The following UBP1 variants were observed in gnomAD, a reference collection of about 807,000 sequenced individuals.
UBP1 encodes upstream-binding protein 1.
Under a neutral mutation model 76.1 loss-of-function variants are expected in UBP1, and 22 were observed. The ratio of observed to expected loss-of-function variants is 0.29; its 90% CI spans 0.21 to 0.41. The LOEUF (loss-of-function observed/expected upper bound fraction) is 0.41, where lower values mean the gene tolerates loss of function less well. Ranked by LOEUF, UBP1 falls within the 10% of genes least tolerant of loss-of-function variation. UBP1 has a pLI of 1.00. For missense variants in UBP1, 436 were observed against 668.1 expected (o/e 0.65, Z 3.83); for synonymous variants, 224 against 237.1 (o/e 0.94, Z 0.51).
intron 11 of UBP1, chr3:33,397,345 G>A: frequency 2.5e-6 from 1 of 401,808 alleles, no homozygotes; most frequent in Non-Finnish European, 4.4e-6. Context: ...TATCAAGAAG[G>A]AGCTTAGAAG....
chr3:33,422,275 T>G (rs1051253411), intron 2 of UBP1, among the ~76,000 whole-genome samples: 3 of 151,856 alleles, frequency 2.0e-5, no homozygotes, highest in African/African-American at 7.3e-5. Flanking sequence ...AATATACCTT[T>G]AAGGACTACA....
chr3:33,390,142 A>G lies in UBP1; in HGVS notation c.*189T>C, dbSNP rs547141342. ...TGCCGATGTGCTCACTCTCATGAGG[A>G]TGCTTGGCTATGGCAGTGACAGTGA... On this transcript the variant is annotated 3_prime_UTR_variant, in exon 16 of 16. Transcript: ENST00000283629. 2 of 610,950 alleles carry G rather than the reference A, an allele frequency of 3.3e-6. No individual in the cohort carries two copies. 37.8% of individuals were successfully genotyped at this position (610,950 alleles called of 1,614,324 possible).
upstream of UBP1, chr3:33,440,847 T>C (rs1315945155): frequency 1.3e-5 from 2 of 152,228 alleles, no homozygotes; most frequent in Non-Finnish European, 2.9e-5. Flanking sequence ...CGGAGGTGAT[T>C]TGCTCCTCTG....
At chr3:33,431,447 T>C (rs1462255376) in intron 1 of UBP1, among the ~76,000 whole-genome samples, 1 of 152,014 alleles carries the variant, frequency 6.6e-6, no homozygotes, top group Non-Finnish European at 1.5e-5. Context: ...GTACAGCATA[T>C]GAAAGTTCCG....
At position 33,440,038 on chromosome 3, in the gene UBP1, A is replaced by G. The variant is rs1575496747; in HGVS notation, c.-190T>C. 1 of 519,996 alleles carries G rather than the reference A, an allele frequency of 1.9e-6. No individual in the cohort carries two copies. The highest frequency in any genetic ancestry group is 3.2e-6 in the Non-Finnish European group (1 of 309,882). 32.2% of individuals were successfully genotyped at this position (519,996 alleles called of 1,614,324 possible). A position where few individuals can be genotyped will look rare whatever the true frequency, so the allele number is the denominator to read the frequency against. ...CAGGGCACGACGAGCCCAGCGAGCAATTGCAGCGGGAGCGGCCGGGCCGCC... is the reference window on the plus strand; with the variant it reads ...CAGGGCACGACGAGCCCAGCGAGCAGTTGCAGCGGGAGCGGCCGGGCCGCC... On this transcript the variant is annotated 5_prime_UTR_variant, in exon 1 of 16. Transcript: ENST00000283629.
rs190597845 is a variant in UBP1, at chr3:33,402,782, G to A, written c.1031+19C>T. 2,958 of 1,507,520 alleles carry A rather than the reference G, an allele frequency of 2.0e-3. 13 individuals are homozygous for A. Among genetic ancestry groups the A allele is most frequent in the Non-Finnish European group, 1.7e-3 (1,872 of 1,126,028 alleles). The allele number at this position is 1,507,520 out of a possible 1,614,324, so 93.4% of individuals were successfully genotyped here. ...GAGCATTAGTTAGCTGCAGGCACAC[G>A]ATCACACAAACTAGATACCTGTCTG... On this transcript the variant is annotated intron_variant, in intron 9 of 15. Transcript: ENST00000283629.
Position 33,409,260 on chromosome 3 carries a change from G to C in UBP1, c.795C>G (p.Ser265=), listed in dbSNP as rs2044510897. The change falls in exon 7 of 16, where the codon TCC becomes TCG. Residue 265 remains serine (S), a synonymous_variant. Transcript: ENST00000283629. ...CCTCTGTGAGGATTGTGGTATCATAGGACGGCTGATACTTTTCTTTTTCAT... is the reference window on the plus strand; with the variant it reads ...CCTCTGTGAGGATTGTGGTATCATACGACGGCTGATACTTTTCTTTTTCAT... ...TAHEKEKYQP[S]YDTTILTEMR... is the part of the protein sequence containing the mutation. The C allele has an allele frequency of 1.9e-6, 3 of 1,613,888 alleles. No individual in the cohort carries two copies. The highest frequency in any genetic ancestry group is 3.3e-5 in the Admixed American group (2 of 59,986).
chr3:33,394,837 TA>T (rs397961017), intron 13 of UBP1, among the ~76,000 whole-genome samples: 3 of 150,292 alleles, frequency 2.0e-5, no homozygotes, highest in Non-Finnish European at 3.0e-5. Context: ...TTTTTTTTTT[TA>T]AATAAAGTTT....
intron 12 of UBP1, chr3:33,396,614 G>C: frequency 2.5e-6 from 1 of 402,018 alleles, no homozygotes; most frequent in Non-Finnish European, 4.7e-6. Context: ...AAAGAGCAAT[G>C]ATAGTAAATG....
chr3:33,433,551 G>A (rs1421825906), intron 1 of UBP1, among the ~76,000 whole-genome samples: 2 of 151,590 alleles, frequency 1.3e-5, no homozygotes, highest in African/African-American at 4.8e-5. Context: ...TACTCAGGAG[G>A]CTGAGGCAGG....
chr3:33,390,197 A>G lies in UBP1; in HGVS notation c.*134T>C. 3 of 866,030 alleles carry G rather than the reference A, an allele frequency of 3.5e-6. No homozygotes were observed. Among genetic ancestry groups the G allele is most frequent in the Non-Finnish European group, 5.4e-6 (3 of 553,928 alleles). 53.6% of individuals were successfully genotyped at this position (866,030 alleles called of 1,614,324 possible). ...ATTCACCTCTCATACAGCTCATTAG[A>G]AAGGTCATCTTGTGTTTTCAATATG... On this transcript the variant is annotated 3_prime_UTR_variant, in exon 16 of 16. Transcript: ENST00000283629.
intron 3 of UBP1, chr3:33,414,138 T>C (rs1192717200): frequency 6.6e-6 from 1 of 152,006 alleles, no homozygotes; most frequent in African/African-American, 2.4e-5. Context: ...ACAAGATATA[T>C]AAGAAAAATT....
chr3:33,408,305 CACAA>C (rs1398012502), intron 8 of UBP1, among the ~76,000 whole-genome samples: 3 of 152,026 alleles, frequency 2.0e-5, no homozygotes, highest in Non-Finnish European at 4.4e-5. Context: ...TTTTCAGTTA[CACAA>C]AAATAATAGC....
chr3:33,408,070 A>G (rs2044474503), intron 8 of UBP1, among the ~76,000 whole-genome samples: 1 of 152,176 alleles, frequency 6.6e-6, no homozygotes, highest in South Asian at 2.1e-4. Context: ...GGCCTGAAGC[A>G]TTAATTCACA....
At position 33,390,183 on chromosome 3, in the gene UBP1, A is replaced by G; in HGVS notation, c.*148T>C. 1 of 759,406 alleles carries G rather than the reference A, an allele frequency of 1.3e-6. No homozygotes were observed. Among genetic ancestry groups the G allele is most frequent in the South Asian group, 1.9e-5 (1 of 52,676 alleles). 47.0% of individuals were successfully genotyped at this position (759,406 alleles called of 1,614,324 possible). On this transcript the variant is annotated 3_prime_UTR_variant, in exon 16 of 16. Transcript: ENST00000283629. ...GTGACAGTGAGGAGATTCACCTCTC[A>G]TACAGCTCATTAGAAAGGTCATCTT...
chr3:33,418,147 A>T (rs1213571767), intron 2 of UBP1, among the ~76,000 whole-genome samples: 2 of 152,258 alleles, frequency 1.3e-5, no homozygotes, highest in Non-Finnish European at 2.9e-5. Context: ...GTTTTGAAAA[A>T]TACACCATTT....
chr3:33,396,105 TCC>T, intron 13 of UBP1, 55 bp downstream of exon 13: 1 of 1,444,026 alleles, frequency 6.9e-7, no homozygotes, highest in Non-Finnish European at 9.5e-7. Flanking sequence ...TCGAGTCCTT[TCC>T]GTTTCTGTCT....
chr3:33,412,149 T>C (rs1196015838), intron 4 of UBP1, among the ~76,000 whole-genome samples: 1 of 140,576 alleles, frequency 7.1e-6, no homozygotes, highest in Non-Finnish European at 1.5e-5. Flanking sequence ...ATCGCGCCAC[T>C]GCACTCCAGC....
chr3:33,420,767 G>T (rs1575483628), intron 2 of UBP1, among the ~76,000 whole-genome samples: 1 of 152,048 alleles, frequency 6.6e-6, no homozygotes, highest in African/African-American at 2.4e-5. Flanking sequence ...GTTTACAGGC[G>T]TGAGCCACCA....
Sources: allele counts gnomAD v4.1 joint callset (sites outside exome capture counted in the v4.1 genomes callset), GRCh38; gene constraint gnomAD v4.1.1; transcripts MANE v1.5; gene names NCBI Gene and HGNC (gene_info 2026-07-23, HGNC 2026-07-21).